Variants in NCOA3 observed in about 807,000 individuals in gnomAD.
The protein encoded by NCOA3 is nuclear receptor coactivator 3.
A neutral mutation model predicts 158.8 loss-of-function variants in NCOA3; 51 were observed. That is an observed-to-expected ratio of 0.32 (90% CI 0.26 to 0.41). The LOEUF (loss-of-function observed/expected upper bound fraction) is 0.41. NCOA3 is among the 10% of genes least tolerant of loss of function. The pLI, the probability that NCOA3 is intolerant of heterozygous loss-of-function variation, is 1.00. For synonymous variants in NCOA3, 537 were observed against 592.4 expected (o/e 0.91, Z 1.36); for missense variants, 1,510 against 1,746.6 (o/e 0.86, Z 2.41).
At position 47,647,042 on chromosome 20, in the gene NCOA3, C is replaced by T. The variant is rs773503422; in HGVS notation, c.3253-31C>T. The T allele has an allele frequency of 2.5e-6, 4 of 1,583,086 alleles. No individual in the cohort carries two copies. The East Asian group carries it at 9.0e-5, about 36-fold the overall frequency. Reference sequence around the variant, plus strand: ...GACTTCTGTTGCTTTCATAGATGTTCTTCACTGTTCTTTTATGTGTTGTGT... The same window carrying T: ...GACTTCTGTTGCTTTCATAGATGTTTTTCACTGTTCTTTTATGTGTTGTGT... On this transcript the variant is annotated intron_variant, in intron 17 of 22. Coordinates refer to ENST00000371998, the MANE Select transcript of NCOA3 (RefSeq NM_181659.3).
At chr20:47,622,378 T>C (rs779426627) in intron 3 of NCOA3, 48 bp downstream of exon 3, 2 of 1,257,990 alleles carry the variant, frequency 1.6e-6, no homozygotes, top group South Asian at 1.4e-5. Flanking sequence ...TGTGCCTTTG[T>C]TTAAGGATAA....
intron 1 of NCOA3, among the ~76,000 whole-genome samples, chr20:47,558,571 A>G (rs1276945265): frequency 2.0e-5 from 3 of 152,170 alleles, no homozygotes; most frequent in Non-Finnish European, 4.4e-5. Context: ...CATCAGTTTC[A>G]GTGTCCCTAT....
At chr20:47,556,935 G>A (rs779603358) in intron 1 of NCOA3, among the ~76,000 whole-genome samples, 1 of 152,132 alleles carries the variant, frequency 6.6e-6, no homozygotes, top group Non-Finnish European at 1.5e-5. Flanking sequence ...TTTTTACTTT[G>A]TTGGCTCACC....
Position 47,639,005 on chromosome 20 carries a change from C to G in NCOA3, c.2513-3C>G. ...AAATGTTTTTGTATTGTGTTTTCAACAGGTTTGAAAAGTTCACAGTCTGTG... is the reference window on the plus strand; with the variant it reads ...AAATGTTTTTGTATTGTGTTTTCAAGAGGTTTGAAAAGTTCACAGTCTGTG... On this transcript the variant is annotated splice_polypyrimidine_tract_variant and splice_region_variant and intron_variant, in intron 13 of 22. Coordinates refer to ENST00000371998, the MANE Select transcript of NCOA3 (RefSeq NM_181659.3). The G allele has an allele frequency of 1.3e-6, 2 of 1,576,742 alleles. No individual in the cohort carries two copies. The highest frequency in any genetic ancestry group is 1.7e-6 in the Non-Finnish European group (2 of 1,160,382).
Position 47,635,485 on chromosome 20 carries a change from G to A in NCOA3, c.1276G>A (p.Gly426Arg). 1.2e-6 allele frequency: 2 copies of A among 1,614,030 alleles called. No individual in the cohort carries two copies. The highest frequency in any genetic ancestry group is 8.5e-7 in the Non-Finnish European group (1 of 1,180,000). Residue 426 changes from glycine (G) to arginine (R), a missense_variant, in exon 11 of 23, where the codon GGG becomes AGG. Gly to Arg is a moderately radical substitution (Grantham distance 125, BLOSUM62 -2). This residue lies in a region of NCOA3 where 1,017 missense variants were observed against 1,098.3 expected (regional missense o/e 0.93). Coordinates refer to ENST00000371998, the MANE Select transcript of NCOA3 (RefSeq NM_181659.3). ...AYGLADPSTTGQMSGARYGGS... is the reference protein window; with the variant it reads ...AYGLADPSTTRQMSGARYGGS... ...TGGCTTGGCAGACCCTAGCACCACA[G>A]GGCAGATGAGTGGAGCTAGGTATGG...
At chr20:47,516,412 A>G (rs895365096) in intron 1 of NCOA3, among the ~76,000 whole-genome samples, 1 of 152,200 alleles carries the variant, frequency 6.6e-6, no homozygotes, top group Admixed American at 6.6e-5. Flanking sequence ...TGAAATATAG[A>G]TCAGGACACA....
intron 1 of NCOA3, among the ~76,000 whole-genome samples, chr20:47,533,420 A>T (rs2146111653): frequency 6.6e-6 from 1 of 152,084 alleles, no homozygotes; most frequent in Non-Finnish European, 1.5e-5. Context: ...CCAGAAAAGT[A>T]CAAAAAAATA....
chr20:47,544,057 C>T (rs933788068), intron 1 of NCOA3, among the ~76,000 whole-genome samples: 9 of 152,062 alleles, frequency 5.9e-5, no homozygotes, highest in Non-Finnish European at 1.2e-4. Context: ...CCCCGATTCC[C>T]CCAATTTAAT....
chr20:47,555,036 C>T lies in NCOA3; in HGVS notation c.-98-28147C>T, dbSNP rs1165349095. On this transcript the variant is annotated intron_variant, in intron 1 of 22. Coordinates refer to ENST00000371998, the MANE Select transcript of NCOA3 (RefSeq NM_181659.3). ...TATAGACCAATGGAACAGAACAGAG[C>T]CCTCAGAAATAATGCTGCATATCTA... 5.9e-5 allele frequency among the ~76,000 whole-genome samples: 9 copies of T among 152,056 alleles called. No individual in the cohort carries two copies. In the East Asian group the frequency reaches 1.7e-3, roughly 29 times the overall value.
At chr20:47,619,984 CAG>C (rs929934011) in intron 2 of NCOA3, among the ~76,000 whole-genome samples, 7 of 152,146 alleles carry the variant, frequency 4.6e-5, no homozygotes, top group African/African-American at 1.7e-4. Flanking sequence ...TTAGTAGAGA[CAG>C]GGTTTCACCA....
intron 1 of NCOA3, among the ~76,000 whole-genome samples, chr20:47,517,347 C>T (rs931481397): frequency 2.0e-5 from 3 of 152,136 alleles, no homozygotes; most frequent in East Asian, 1.9e-4. Context: ...TTCAAGTATT[C>T]GCTAATAATC....
chr20:47,545,608 A>G (rs1602380407), intron 1 of NCOA3, among the ~76,000 whole-genome samples: 1 of 148,684 alleles, frequency 6.7e-6, no homozygotes, highest in Admixed American at 6.7e-5. Flanking sequence ...TCTCAATATC[A>G]TGAAGGTTTT....
rs1331883487 is a variant in NCOA3, at chr20:47,620,981, C to G, written c.-19-1248C>G. On this transcript the variant is annotated intron_variant, in intron 2 of 22. Coordinates refer to ENST00000371998, the MANE Select transcript of NCOA3 (RefSeq NM_181659.3). Reference sequence around the variant, plus strand: ...TACAATACCCCTGAGATTGTGTGATCTGACTGTGCCACTACTAATAATAGT... The same window carrying G: ...TACAATACCCCTGAGATTGTGTGATGTGACTGTGCCACTACTAATAATAGT... Among the ~76,000 whole-genome samples the G allele has an allele frequency of 3.3e-5, 5 of 152,304 alleles. No individual in the cohort carries two copies. The East Asian group carries it at 9.6e-4, about 29-fold the overall frequency.
chr20:47,641,328 T>C (rs1009836550), intron 16 of NCOA3, among the ~76,000 whole-genome samples: 13 of 142,750 alleles, frequency 9.1e-5, no homozygotes, highest in South Asian at 4.8e-4. Context: ...ACATTTCTTT[T>C]TTTTTTTTTT....
chr20:47,627,753 A>G lies in NCOA3; in HGVS notation c.721+4A>G, dbSNP rs367609938. 9 of 1,612,498 alleles carry G rather than the reference A, an allele frequency of 5.6e-6. No individual in the cohort carries two copies. The African/African-American group carries it at 1.1e-4, about 19-fold the overall frequency. Reference sequence around the variant, plus strand: ...GCTATGATGGAGGAAGGGGAAGGTAAGAGCTATTATATGTTTGTGATGTTC... The same window carrying G: ...GCTATGATGGAGGAAGGGGAAGGTAGGAGCTATTATATGTTTGTGATGTTC... On this transcript the variant is annotated splice_donor_region_variant and intron_variant, in intron 7 of 22. Transcript: ENST00000371998.
intron 1 of NCOA3, among the ~76,000 whole-genome samples, chr20:47,574,594 C>T (rs1047764933): frequency 6.6e-6 from 1 of 151,220 alleles, no homozygotes; most frequent in East Asian, 1.9e-4. Context: ...AATTTCAGAA[C>T]AAAACTTTAT....
intron 2 of NCOA3, among the ~76,000 whole-genome samples, chr20:47,584,749 G>C (rs2085508509): frequency 6.6e-6 from 1 of 152,048 alleles, no homozygotes; most frequent in Non-Finnish European, 1.5e-5. Context: ...GGAAATGTTG[G>C]TCCTACTGTC....
intron 1 of NCOA3, among the ~76,000 whole-genome samples, chr20:47,515,232 C>A (rs139685095): frequency 6.6e-6 from 1 of 151,028 alleles, no homozygotes; most frequent in African/African-American, 2.4e-5. Flanking sequence ...GCACGATCTC[C>A]GCTCACCACA....
chr20:47,604,644 C>T (rs1303343433), intron 2 of NCOA3, among the ~76,000 whole-genome samples: 1 of 152,162 alleles, frequency 6.6e-6, no homozygotes, highest in Non-Finnish European at 1.5e-5. Flanking sequence ...TGCTATGTTG[C>T]CCAGGCTGGT....
Sources: allele counts gnomAD v4.1 joint callset (sites outside exome capture counted in the v4.1 genomes callset), GRCh38; gene constraint gnomAD v4.1.1; regional missense constraint gnomAD v4.1.1; transcripts MANE v1.5; gene names NCBI Gene and HGNC (gene_info 2026-07-23, HGNC 2026-07-21).